MTHFD2: variants seen among roughly 807,000 people sequenced by gnomAD.
MTHFD2 encodes methylenetetrahydrofolate dehydrogenase (NADP+ dependent) 2, methenyltetrahydrofolate cyclohydrolase.
MTHFD2 carries 26 observed loss-of-function variants against 36.8 expected under a neutral mutation model. The observed-to-expected ratio is 0.71, with a 90% CI of 0.52 to 0.98. MTHFD2 has a LOEUF of 0.98. Among genes scored for constraint, MTHFD2 ranks in the 50% least tolerant of loss-of-function variants. MTHFD2 has a pLI of 0.00. For missense variants in MTHFD2, 373 were observed against 434.0 expected, an observed-to-expected ratio of 0.86 and a Z score of 1.25; for synonymous variants, 164 against 155.2, an observed-to-expected ratio of 1.06 and a Z score of -0.42.
In MTHFD2 at chr2:74,216,588, GATAA is replaced by G. The variant is rs1694451593; in HGVS notation, c.*2350_*2353del. 4 of 152,118 alleles carry G rather than the reference GATAA, an allele frequency of 2.6e-5. No homozygotes were observed. The highest frequency in any genetic ancestry group is 6.6e-5 in the Admixed American group (1 of 15,256). 9.4% of individuals were successfully genotyped at this position (152,118 alleles called of 1,614,324 possible). On this transcript the variant is annotated 3_prime_UTR_variant, in exon 8 of 8. Coordinates refer to ENST00000394053, the MANE Select transcript of MTHFD2 (RefSeq NM_006636.4). The stretch of plus-strand genomic sequence containing the variant: ...TAGCTTCCCCAGGATTGGTGTGGAT[GATAA>G]ATACTTTTTTTAAAAATTAATTATT...
intron 2 of MTHFD2, among the ~76,000 whole-genome samples, chr2:74,207,485 T>C (rs922089916): frequency 1.3e-5 from 2 of 152,210 alleles, no homozygotes; most frequent in Admixed American, 1.3e-4. Flanking sequence ...ATAAGGTTAA[T>C]GAAGATTGCA....
intron 1 of MTHFD2, among the ~76,000 whole-genome samples, chr2:74,200,610 A>T (rs1694019957): frequency 6.6e-6 from 1 of 151,950 alleles, no homozygotes; most frequent in South Asian, 2.1e-4. Context: ...GGTTGGAGAA[A>T]TAGTAGCCTA....
chr2:74,211,399 A>G, intron 6 of MTHFD2, 108 bp downstream of exon 6: 1 of 712,752 alleles, frequency 1.4e-6, no homozygotes, highest in Non-Finnish European at 2.4e-6. Flanking sequence ...TCCCCTTGTA[A>G]TGATTCTTTG....
chr2:74,198,688 A>C lies in MTHFD2; in HGVS notation c.47A>C (p.Gln16Pro), dbSNP rs1252091083. 9 of 1,611,516 alleles carry C rather than the reference A, an allele frequency of 5.6e-6. No individual in the cohort carries two copies. The highest frequency in any genetic ancestry group is 6.8e-6 in the Non-Finnish European group (8 of 1,179,086). The change falls in exon 1 of 8, where the codon CAG becomes CCG. Residue 16 changes from glutamine to proline, a missense_variant. Gln to Pro is a moderately conservative substitution (Grantham distance 76). This residue lies in a region of MTHFD2 where 65 missense variants were observed against 36.1 expected (regional missense o/e 1.80). Coordinates refer to ENST00000394053, the MANE Select transcript of MTHFD2 (RefSeq NM_006636.4). ...TCTGCTTTGGCTGCCCGGCTGCTGCAGCCCGCGCACAGCTGCTCCCTTCGC... is the reference window on the plus strand; with the variant it reads ...TCTGCTTTGGCTGCCCGGCTGCTGCCGCCCGCGCACAGCTGCTCCCTTCGC... Reference protein sequence around the residue: ...LMSALAARLLQPAHSCSLRLR... With the variant: ...LMSALAARLLPPAHSCSLRLR...
intron 1 of MTHFD2, among the ~76,000 whole-genome samples, chr2:74,199,895 C>A (rs1381866266): frequency 1.3e-5 from 2 of 152,132 alleles, no homozygotes; most frequent in Non-Finnish European, 2.9e-5. Flanking sequence ...TAGAGCCCTG[C>A]ACCTTACAAC....
At chr2:74,212,079 A>G (rs1694317842) in intron 7 of MTHFD2, among the ~76,000 whole-genome samples, 1 of 144,354 alleles carries the variant, frequency 6.9e-6, no homozygotes, top group African/African-American at 2.6e-5. Context: ...CCTCCCGAGT[A>G]GCTGGGACTC....
intron 1 of MTHFD2, 37 bp downstream of exon 1, chr2:74,198,779 T>TGAGGGGAACGGAGGGC (rs766309769): frequency 6.4e-6 from 10 of 1,554,536 alleles, no homozygotes; most frequent in Middle Eastern, 1.7e-4. Flanking sequence ...CGCGGAAAGC[T>TGAGGGGAACGGAGGGC]GAGGGGAACG....
At chr2:74,212,159 C>T (rs556032731) in intron 7 of MTHFD2, among the ~76,000 whole-genome samples, 13 of 130,598 alleles carry the variant, frequency 1.0e-4, no homozygotes, top group Admixed American at 9.1e-4. Context: ...CTCTCTCCTT[C>T]CCTTCCTTCT....
intron 1 of MTHFD2, among the ~76,000 whole-genome samples, chr2:74,199,942 G>A (rs900653612): frequency 3.9e-5 from 6 of 152,126 alleles, no homozygotes; most frequent in African/African-American, 1.4e-4. Context: ...CGTTCACTGT[G>A]TACCAGACAC....
chr2:74,214,326 T>C lies in MTHFD2; in HGVS notation c.*84T>C. ...CCAATAGAAATGCAATATTTTTAAT[T>C]TATTCTACTGAAATGGTTTAAAATG... On this transcript the variant is annotated 3_prime_UTR_variant, in exon 8 of 8. Transcript: ENST00000394053. 1 of 1,451,810 alleles carries C rather than the reference T, an allele frequency of 6.9e-7. No homozygotes were observed. The allele number at this position is 1,451,810 out of a possible 1,614,324, so 89.9% of individuals were successfully genotyped here.
chr2:74,207,845 T>G lies in MTHFD2; in HGVS notation c.409+19T>G. On this transcript the variant is annotated intron_variant, in intron 3 of 7. Coordinates refer to ENST00000394053, the MANE Select transcript of MTHFD2 (RefSeq NM_006636.4). ...CTTCCAGGTGAGTTTTGGACTCCATTTAACATGATTGCTGCTGCTTCTGCT... is the reference window on the plus strand; with the variant it reads ...CTTCCAGGTGAGTTTTGGACTCCATGTAACATGATTGCTGCTGCTTCTGCT... The G allele has an allele frequency of 6.4e-7, 1 of 1,573,792 alleles. No homozygotes were observed. Among genetic ancestry groups the G allele is most frequent in the South Asian group, 1.1e-5 (1 of 88,076 alleles).
rs1558855033 is a variant in MTHFD2, at chr2:74,207,754, T to C, written c.337T>C (p.Leu113=). The C allele has an allele frequency of 1.2e-6, 2 of 1,607,112 alleles. No homozygotes were observed. The part of the protein sequence containing the change: ...MKPASISEEE[L]LNLINKLNND... Reference sequence around the variant, plus strand: ...ACCAGCTTCAATTTCAGAGGAAGAATTGTTGAATTTAATCAATAAACTGAA... The same window carrying C: ...ACCAGCTTCAATTTCAGAGGAAGAACTGTTGAATTTAATCAATAAACTGAA... The change falls in exon 3 of 8, where the codon TTG becomes CTG. Residue 113 remains leucine, a synonymous_variant. Transcript: ENST00000394053.
chr2:74,198,976 G>A lies in MTHFD2; in HGVS notation c.101+234G>A, dbSNP rs568757565. Among the ~76,000 whole-genome samples the A allele has an allele frequency of 1.8e-4, 28 of 152,274 alleles. No homozygotes were observed. In the South Asian group the frequency reaches 3.5e-3, roughly 19 times the overall value. Reference sequence around the variant, plus strand: ...GTACCCGAAGCCCGCCTTTCGGAGGGAGCCGCTCTCCTGCGACTCGGGGCG... The same window carrying A: ...GTACCCGAAGCCCGCCTTTCGGAGGAAGCCGCTCTCCTGCGACTCGGGGCG... On this transcript the variant is annotated intron_variant, in intron 1 of 7. Coordinates refer to ENST00000394053, the MANE Select transcript of MTHFD2 (RefSeq NM_006636.4).
At chr2:74,211,422 A>C in intron 6 of MTHFD2, 131 bp downstream of exon 6, 1 of 626,932 alleles carries the variant, frequency 1.6e-6, no homozygotes. Context: ...CTGCCTACAA[A>C]GATGAGGATA....
At position 74,211,258 on chromosome 2, in the gene MTHFD2, A is replaced by G; in HGVS notation, c.730A>G (p.Thr244Ala). 1 of 1,608,948 alleles carries G rather than the reference A, an allele frequency of 6.2e-7. No individual in the cohort carries two copies. Among genetic ancestry groups the G allele is most frequent in the South Asian group, 1.1e-5 (1 of 90,728 alleles). ...TCCCAAAGAGCAGTTGAAGAAACATACAATTCTTGCAGATATTGTAATATC... is the reference window on the plus strand; with the variant it reads ...TCCCAAAGAGCAGTTGAAGAAACATGCAATTCTTGCAGATATTGTAATATC... The part of the protein sequence containing the change: ...YTPKEQLKKH[T>A]ILADIVISAA... The change falls in exon 6 of 8, where the codon ACA (threonine) becomes GCA (alanine). Residue 244 changes from threonine (T) to alanine (A), a missense_variant. Around this residue, in one of 2 missense-constraint regions of MTHFD2, gnomAD observed 308 missense variants for 397.8 expected, o/e 0.77. Transcript: ENST00000394053.
chr2:74,216,619 T>C lies in MTHFD2; in HGVS notation c.*2377T>C, dbSNP rs1384670400. 1.3e-5 allele frequency: 2 copies of C among 152,190 alleles called. No homozygotes were observed. Among genetic ancestry groups the C allele is most frequent in the African/African-American group, 4.8e-5 (2 of 41,444 alleles). 9.4% of individuals were successfully genotyped at this position (152,190 alleles called of 1,614,324 possible). A position where few individuals can be genotyped will look rare whatever the true frequency, so the allele number is the denominator to read the frequency against. On this transcript the variant is annotated 3_prime_UTR_variant, in exon 8 of 8. Coordinates refer to ENST00000394053, the MANE Select transcript of MTHFD2 (RefSeq NM_006636.4). ...TACTTTTTTTAAAAATTAATTATTA[T>C]TGTTTATAAGACATGGATTCCAGCT...
Position 74,203,843 on chromosome 2 carries a change from CTAGTTTAGTTTAGTTTAGTT to C in MTHFD2, c.102-1816_102-1797del, listed in dbSNP as rs1171944961. On this transcript the variant is annotated intron_variant, in intron 1 of 7. Coordinates refer to ENST00000394053, the MANE Select transcript of MTHFD2 (RefSeq NM_006636.4). ...TTTTACTTAAGGAAGAGATGCTCAT[CTAGTTTAGTTTAGTTTAGTT>C]TAGTTTAGTTTAGTTTAGTTTAGTT... Among the ~76,000 whole-genome samples the C allele has an allele frequency of 4.7e-3, 378 of 80,616 alleles. 2 individuals are homozygous for C. The highest frequency in any genetic ancestry group is 0.01 in the Admixed American group (76 of 7,564). 52.9% of individuals were successfully genotyped at this position (80,616 alleles called of 152,430 possible). A position where few individuals can be genotyped will look rare whatever the true frequency, so the allele number is the denominator to read the frequency against.
intron 7 of MTHFD2, among the ~76,000 whole-genome samples, chr2:74,213,578 C>T (rs896060842): frequency 3.9e-5 from 6 of 152,186 alleles, no homozygotes; most frequent in African/African-American, 1.4e-4. Flanking sequence ...GCATGAACCA[C>T]TGTACCCGGC....
chr2:74,198,631 C>G lies in MTHFD2; in HGVS notation c.-11C>G, dbSNP rs1157805558. The stretch of plus-strand genomic sequence containing the variant: ...CGCGCTTCCCTCCCGGCGCAGTCAC[C>G]GGCGCGGTCTATGGCTGCGACTTCT... On this transcript the variant is annotated 5_prime_UTR_variant, in exon 1 of 8. Transcript: ENST00000394053. 1 of 1,595,226 alleles carries G rather than the reference C, an allele frequency of 6.3e-7. No homozygotes were observed.
Sources: gnomAD v4.1 joint callset for allele counts (sites outside exome capture counted in the v4.1 genomes callset) on GRCh38, gnomAD v4.1.1 for gene constraint, gnomAD v4.1.1 regional missense constraint, MANE v1.5 for transcripts, NCBI Gene and HGNC (gene_info 2026-07-23, HGNC 2026-07-21) for gene names.